The following ITGAD variants were observed in gnomAD, a reference collection of about 807,000 sequenced individuals.
ITGAD encodes the protein integrin subunit alpha D, also known as integrin alpha-D.
ITGAD carries 105 observed loss-of-function variants against 139.0 expected under a neutral mutation model. That is an observed-to-expected ratio of 0.76 (90% CI 0.65 to 0.89). The LOEUF (loss-of-function observed/expected upper bound fraction) is 0.89. Among genes scored for constraint, ITGAD ranks in the 40% least tolerant of loss-of-function variants. The pLI is 0.00. For synonymous variants in ITGAD, 569 were observed against 598.3 expected (o/e 0.95, Z 0.71); for missense variants, 1,384 against 1,487.3 (o/e 0.93, Z 1.14).
At position 31,407,546 on chromosome 16, in the gene ITGAD, C is replaced by T. The variant is rs147321998; in HGVS notation, c.736C>T (p.Arg246Ter). Residue 246 changes from arginine to a stop codon, truncating the protein, a stop_gained, in exon 8 of 30, where the codon CGA (arginine) becomes TGA (stop). Coordinates refer to ENST00000389202, the MANE Select transcript of ITGAD (RefSeq NM_005353.3). LOFTEE classifies it high-confidence loss of function. ...TQLFHHKNGARKSAKKILIVI... is the reference protein window; with the variant it reads ...TQLFHHKNGA The stretch of plus-strand genomic sequence containing the variant: ...GCTATTTCATCATAAGAATGGGGCC[C>T]GAAAAAGTGCCAAGAAGATCCTCAT... 3,042 of 1,604,478 alleles carry T rather than the reference C, an allele frequency of 1.9e-3. 7 individuals carry two copies. The highest frequency in any genetic ancestry group is 2.3e-3 in the Non-Finnish European group (2,727 of 1,174,518).
In ITGAD at chr16:31,424,358, C is replaced by T; in HGVS notation, c.3262-109C>T. The T allele has an allele frequency of 3.2e-6, 4 of 1,255,130 alleles. No individual in the cohort carries two copies. The South Asian group carries it at 5.0e-5, about 16-fold the overall frequency. 77.7% of individuals were successfully genotyped at this position (1,255,130 alleles called of 1,614,324 possible). A position where few individuals can be genotyped will look rare whatever the true frequency, so the allele number is the denominator to read the frequency against. ...TAAGGGCACGGGTGCTACTGTGTCT[C>T]ACTCCTTGGAGCAGAGCCTCAGAAA... On this transcript the variant is annotated intron_variant, in intron 28 of 29. Coordinates refer to ENST00000389202, the MANE Select transcript of ITGAD (RefSeq NM_005353.3).
chr16:31,422,083 A>G (rs1404746592), intron 23 of ITGAD, among the ~76,000 whole-genome samples: 1 of 149,230 alleles, frequency 6.7e-6, no homozygotes, highest in African/African-American at 2.5e-5. Context: ...GGCGTGTGCC[A>G]CCACTTGCAG....
chr16:31,426,138 T>TA lies in ITGAD; in HGVS notation c.*10_*11insA. On this transcript the variant is annotated 3_prime_UTR_variant, in exon 30 of 30. Transcript: ENST00000389202. The stretch of plus-strand genomic sequence containing the variant: ...TGTGCCTTTGTCCTAATAATCCACT[T>TA]TCCTGTTTATCTCTACCACTGTGGG... 1 of 1,553,662 alleles carries TA rather than the reference T, an allele frequency of 6.4e-7. No homozygotes were observed. The highest frequency in any genetic ancestry group is 8.9e-7 in the Non-Finnish European group (1 of 1,126,186).
intron 5 of ITGAD, among the ~76,000 whole-genome samples, chr16:31,400,445 C>A (rs1033335116): frequency 6.6e-6 from 1 of 152,182 alleles, no homozygotes; most frequent in African/African-American, 2.4e-5. Flanking sequence ...CTGCGGGCAG[C>A]ACAGGATGTG....
chr16:31,399,436 G>A (rs540628274), intron 5 of ITGAD, among the ~76,000 whole-genome samples: 1 of 152,284 alleles, frequency 6.6e-6, no homozygotes, highest in East Asian at 1.9e-4. Context: ...GGTGCTGACC[G>A]AGGGTGGGGC....
chr16:31,413,389 C>T (rs1355904750), intron 16 of ITGAD, 143 bp downstream of exon 16: 21 of 877,124 alleles, frequency 2.4e-5, no homozygotes, highest in Non-Finnish European at 3.1e-5. Flanking sequence ...CTCATTCTCT[C>T]CCCTCTTCCT....
intron 5 of ITGAD, 60 bp downstream of exon 5, chr16:31,397,969 G>T: frequency 7.6e-7 from 1 of 1,322,176 alleles, no homozygotes; most frequent in Non-Finnish European, 1.1e-6. Flanking sequence ...AGGGTGAGCA[G>T]GCGTGAGGCC....
intron 18 of ITGAD, 77 bp from the exon 19 acceptor site, chr16:31,416,136 T>G: frequency 8.2e-7 from 1 of 1,213,686 alleles, no homozygotes; most frequent in Non-Finnish European, 1.2e-6. Context: ...TGCTCAATGT[T>G]GGAGAGTGCT....
intron 23 of ITGAD, among the ~76,000 whole-genome samples, chr16:31,420,951 G>A (rs1410887020): frequency 2.0e-5 from 3 of 152,142 alleles, no homozygotes; most frequent in Non-Finnish European, 4.4e-5. Flanking sequence ...GTCCTTTCAA[G>A]CCACATGTAG....
chr16:31,424,041 C>T, intron 27 of ITGAD, 61 bp from the exon 28 acceptor site: 2 of 1,606,008 alleles, frequency 1.2e-6, no homozygotes, highest in Non-Finnish European at 1.7e-6. Context: ...GCCAGGGCAC[C>T]CCCGAAGCTC....
chr16:31,424,060 C>A (rs1486846963), intron 27 of ITGAD, 42 bp from the exon 28 acceptor site: 4 of 1,609,354 alleles, frequency 2.5e-6, no homozygotes, highest in Admixed American at 1.7e-5. Context: ...TCTGAGCCTC[C>A]CCCAGAGCCA....
Position 31,397,598 on chromosome 16 carries a change from C to A in ITGAD, c.244C>A (p.Arg82Ser), listed in dbSNP as rs777928308. 40 of 1,606,538 alleles carry A rather than the reference C, an allele frequency of 2.5e-5. No individual in the cohort carries two copies. Among genetic ancestry groups the A allele is most frequent in the Non-Finnish European group, 2.9e-5 (34 of 1,179,782 alleles). ...GMCQPIPLHI[R>S]PEAVNMSLGL... ...ACCCCGCGTGTCTGCCCTTGCAGTC[C>A]GCCCTGAGGCCGTGAACATGTCCTT... Residue 82 changes from arginine to serine, a missense_variant and splice_region_variant, in exon 4 of 30, where the codon CGC (arginine) becomes AGC (serine). Coordinates refer to ENST00000389202, the MANE Select transcript of ITGAD (RefSeq NM_005353.3).
chr16:31,397,544 C>G, intron 3 of ITGAD, 52 bp from the exon 4 acceptor site: 3 of 1,598,572 alleles, frequency 1.9e-6, no homozygotes, highest in East Asian at 4.5e-5. Flanking sequence ...CCAGACCTTC[C>G]CCGCAAATGA....
intron 23 of ITGAD, among the ~76,000 whole-genome samples, chr16:31,421,998 A>G (rs57706942): frequency 0.052 from 7,883 of 152,094 alleles, 671 homozygotes; most frequent in African/African-American, 0.18. Context: ...TGGTGTGAAC[A>G]TAGCTTACTG....
At chr16:31,424,627 C>T in intron 29 of ITGAD, 50 bp downstream of exon 29, 2 of 1,259,782 alleles carry the variant, frequency 1.6e-6, no homozygotes, top group South Asian at 1.4e-5. Context: ...ATGGAGTTTC[C>T]ACTCTTACTG....
chr16:31,424,595 C>T lies in ITGAD; in HGVS notation c.3372+18C>T, dbSNP rs535214004. ...TGTACAAGGCAAGTGTTTTATCCAA[C>T]TCTTTTTTTTTTTTTTTTGAGATGG... On this transcript the variant is annotated intron_variant, in intron 29 of 29. Coordinates refer to ENST00000389202, the MANE Select transcript of ITGAD (RefSeq NM_005353.3). 2 of 1,450,796 alleles carry T rather than the reference C, an allele frequency of 1.4e-6. No individual in the cohort carries two copies. The highest frequency in any genetic ancestry group is 1.9e-6 in the Non-Finnish European group (2 of 1,062,018). 89.9% of individuals were successfully genotyped at this position (1,450,796 alleles called of 1,614,324 possible). A position where few individuals can be genotyped will look rare whatever the true frequency, so the allele number is the denominator to read the frequency against.
At chr16:31,402,045 T>A (rs1205419310) in intron 5 of ITGAD, 70 bp from the exon 6 acceptor site, 1 of 1,552,172 alleles carries the variant, frequency 6.4e-7, no homozygotes, top group Non-Finnish European at 8.8e-7. Flanking sequence ...CCGGGCTCTG[T>A]TGAGCAGGAG....
intron 1 of ITGAD, 64 bp from the exon 2 acceptor site, chr16:31,394,171 TG>T: frequency 1.1e-6 from 1 of 910,522 alleles, no homozygotes; most frequent in Non-Finnish European, 1.7e-6. Flanking sequence ...AAAAAGAGGC[TG>T]GGAGGTCCTA....
At chr16:31,424,360 C>T in intron 28 of ITGAD, 107 bp from the exon 29 acceptor site, 2 of 1,252,826 alleles carry the variant, frequency 1.6e-6, no homozygotes, top group Non-Finnish European at 2.3e-6. Context: ...CTGTGTCTCA[C>T]TCCTTGGAGC....
Sources: allele counts gnomAD v4.1 joint callset (sites outside exome capture counted in the v4.1 genomes callset), GRCh38; gene constraint gnomAD v4.1.1; transcripts MANE v1.5; gene names NCBI Gene and HGNC (gene_info 2026-07-23, HGNC 2026-07-21).